The following FMN1 variants were observed in gnomAD, a reference collection of about 807,000 sequenced individuals.
FMN1 encodes formin 1, also known as formin-1.
FMN1 carries 110 observed loss-of-function variants against 132.4 expected under a neutral mutation model. The observed-to-expected ratio is 0.83, with a 90% CI of 0.71 to 0.97. The LOEUF (loss-of-function observed/expected upper bound fraction) is 0.97. Among genes scored for constraint, FMN1 ranks in the 50% least tolerant of loss-of-function variants. The pLI, the probability that FMN1 is intolerant of heterozygous loss-of-function variation, is 0.00. For missense variants in FMN1, 1,792 were observed against 1,705.3 expected (o/e 1.05, Z -0.90); for synonymous variants, 722 against 651.7 (o/e 1.11, Z -1.64).
At chr15:32,923,736 T>C in intron 10 of FMN1, among the ~76,000 whole-genome samples, 1 of 152,198 alleles carries the variant, frequency 6.6e-6, no homozygotes, top group Admixed American at 6.5e-5. Context: ...TAGAATGCCA[T>C]GGGAAAGTTT....
chr15:32,958,817 G>A (rs2030152058), intron 9 of FMN1, among the ~76,000 whole-genome samples: 1 of 152,074 alleles, frequency 6.6e-6, no homozygotes, highest in Non-Finnish European at 1.5e-5. Flanking sequence ...CAAGGCAGGT[G>A]GATCACCTGA....
chr15:32,913,610 C>T (rs1245613542), intron 10 of FMN1, among the ~76,000 whole-genome samples: 2 of 152,108 alleles, frequency 1.3e-5, no homozygotes, highest in African/African-American at 2.4e-5. Flanking sequence ...ATCCTTTGAC[C>T]CTCACATCAT....
Position 33,130,662 on chromosome 15 carries a change from G to A in FMN1, c.1867+22386C>T, listed in dbSNP as rs75727389. 2.0e-5 allele frequency among the ~76,000 whole-genome samples: 3 copies of A among 152,248 alleles called. No homozygotes were observed. The East Asian group carries it at 5.8e-4, about 29-fold the overall frequency. ...GATAATTTCAGAGTTTTAGGGTTTG[G>A]AGCAGTTTTTATGTATTAGTTTTAA... On this transcript the variant is annotated intron_variant, in intron 4 of 20. Coordinates refer to ENST00000616417, the MANE Select transcript of FMN1 (RefSeq NM_001277313.2).
intron 6 of FMN1, among the ~76,000 whole-genome samples, chr15:33,039,636 T>C (rs1160847957): frequency 6.6e-6 from 1 of 152,184 alleles, no homozygotes; most frequent in East Asian, 1.9e-4. Flanking sequence ...AATAAATTAG[T>C]GTAAATTCAA....
chr15:33,071,445 G>A (rs1412424703), intron 5 of FMN1, among the ~76,000 whole-genome samples: 1 of 152,134 alleles, frequency 6.6e-6, no homozygotes, highest in African/African-American at 2.4e-5. Flanking sequence ...TGTCATAAAT[G>A]AGCACCAACA....
intron 14 of FMN1, 170 bp downstream of exon 14, chr15:32,899,809 C>G: frequency 1.5e-6 from 1 of 685,732 alleles, no homozygotes. Flanking sequence ...AAACAAAACT[C>G]TTTATTCGAA....
intron 17 of FMN1, among the ~76,000 whole-genome samples, chr15:32,839,015 AGAGAT>A (rs1397805248): frequency 1.3e-5 from 2 of 152,126 alleles, no homozygotes; most frequent in Non-Finnish European, 2.9e-5. Context: ...TACACAGCCC[AGAGAT>A]GGTGACTGGA....
intron 16 of FMN1, among the ~76,000 whole-genome samples, chr15:32,869,055 G>A (rs1348579547): frequency 1.3e-5 from 2 of 152,166 alleles, no homozygotes; most frequent in Admixed American, 6.5e-5. Context: ...AGGTCAAGGA[G>A]GAGCTAGCCC....
At chr15:32,833,282 T>G (rs12594918) in intron 17 of FMN1, among the ~76,000 whole-genome samples, 25,286 of 152,080 alleles carry the variant, frequency 0.17, 2,442 homozygotes, top group East Asian at 0.34. Flanking sequence ...GTTTTGATCT[T>G]CAATTAGTGT....
chr15:32,806,102 TTGTTA>T (rs1376588261), intron 17 of FMN1, among the ~76,000 whole-genome samples: 7 of 152,218 alleles, frequency 4.6e-5, no homozygotes, highest in African/African-American at 1.7e-4. Flanking sequence ...ACAACATAAG[TTGTTA>T]TGTTATTATG....
At position 32,962,473 on chromosome 15, in the gene FMN1, A is replaced by T. The variant is rs541255615; in HGVS notation, c.3138+1634T>A. Among the ~76,000 whole-genome samples, 18 of 152,016 alleles carry T rather than the reference A, an allele frequency of 1.2e-4. No homozygotes were observed. The South Asian group carries it at 2.3e-3, about 19-fold the overall frequency. ...TAAAACACCAAAAGCAATGGCAACA[A>T]AAGACAAAATTGACAAATGGGATCT... On this transcript the variant is annotated intron_variant, in intron 9 of 20. Coordinates refer to ENST00000616417, the MANE Select transcript of FMN1 (RefSeq NM_001277313.2).
chr15:32,956,003 T>C (rs879506052), intron 9 of FMN1, among the ~76,000 whole-genome samples: 47 of 152,194 alleles, frequency 3.1e-4, no homozygotes, highest in Admixed American at 1.9e-3. Context: ...TAATATGCAA[T>C]TGACTCCCAA....
At chr15:33,003,011 A>G (rs906812839) in intron 7 of FMN1, among the ~76,000 whole-genome samples, 6 of 152,238 alleles carry the variant, frequency 3.9e-5, no homozygotes, top group Non-Finnish European at 8.8e-5. Context: ...ACAAAATTCA[A>G]CAACACTTCA....
Position 33,154,870 on chromosome 15 carries a change from C to T in FMN1, c.45G>A (p.Thr15=), listed in dbSNP as rs1213695012. 18 of 1,536,054 alleles carry T rather than the reference C, an allele frequency of 1.2e-5. No homozygotes were observed. The highest frequency in any genetic ancestry group is 4.9e-5 in the East Asian group (2 of 40,914). ...GACAGAAGCTGATGTAGCAGAGTTC[C>T]GTAATGGGCTTATGCAATTGGAGGG... ...HCTLQLHKPI[T]ELCYISFCLP... is the part of the protein sequence containing the mutation. Residue 15 remains threonine (T), a synonymous_variant, in exon 4 of 21, where the codon ACG becomes ACA. Transcript: ENST00000616417.
At chr15:33,151,169 C>A in intron 4 of FMN1, 1 of 1,484,624 alleles carries the variant, frequency 6.7e-7, no homozygotes, top group Non-Finnish European at 8.9e-7. Flanking sequence ...TCCCTCATGC[C>A]TTTCAAAGTA....
At chr15:33,076,325 T>A (rs1403615309) in intron 5 of FMN1, among the ~76,000 whole-genome samples, 1 of 152,226 alleles carries the variant, frequency 6.6e-6, no homozygotes, top group Non-Finnish European at 1.5e-5. Flanking sequence ...ATTAGACTAC[T>A]TATGCCTGTT....
At position 33,162,264 on chromosome 15, in the gene FMN1, T is replaced by C. The variant is rs138957549; in HGVS notation, c.-131-7219A>G. Among the ~76,000 whole-genome samples the C allele has an allele frequency of 6.4e-3, 975 of 152,194 alleles. 4 individuals are homozygous for C. Among genetic ancestry groups the C allele is most frequent in the African/African-American group, 0.022 (914 of 41,536 alleles). ...CCGAGCTCAAGTGATCTGCCCACCT[T>C]AGCCTCCCAAAGTGCTGGGATTACA... On this transcript the variant is annotated intron_variant, in intron 3 of 20. Coordinates refer to ENST00000616417, the MANE Select transcript of FMN1 (RefSeq NM_001277313.2).
intron 10 of FMN1, among the ~76,000 whole-genome samples, chr15:32,920,005 ACT>A (rs2060781826): frequency 1.3e-5 from 2 of 152,338 alleles, no homozygotes; most frequent in African/African-American, 4.8e-5. Flanking sequence ...GACGTTCTGA[ACT>A]AGTAAGAACT....
intron 10 of FMN1, among the ~76,000 whole-genome samples, chr15:32,917,703 A>T (rs2060717852): frequency 6.6e-6 from 1 of 152,230 alleles, no homozygotes; most frequent in African/African-American, 2.4e-5. Flanking sequence ...TTACTGGACA[A>T]AGATTGTACT....
Sources: allele counts gnomAD v4.1 joint callset (sites outside exome capture counted in the v4.1 genomes callset), GRCh38; gene constraint gnomAD v4.1.1; transcripts MANE v1.5; gene names NCBI Gene and HGNC (gene_info 2026-07-23, HGNC 2026-07-21).